Variants in CREB3L3 observed in about 807,000 individuals in gnomAD.
The protein encoded by CREB3L3 is cAMP responsive element binding protein 3 like 3.
In CREB3L3, 40 loss-of-function variants were observed where a neutral mutation model predicts 44.6. That is an observed-to-expected ratio of 0.90 (90% confidence interval 0.70 to 1.17). CREB3L3 has a LOEUF of 1.17. Ranked by LOEUF, CREB3L3 falls within the 50% of genes most tolerant of loss-of-function variation. The pLI is 0.00. For missense variants in CREB3L3, 578 were observed against 595.8 expected, an observed-to-expected ratio of 0.97 and a Z score of 0.31; for synonymous variants, 273 against 256.3, an observed-to-expected ratio of 1.06 and a Z score of -0.62.
chr19:4,160,638 C>T (rs1337298025), intron 4 of CREB3L3, among the ~76,000 whole-genome samples: 1 of 152,076 alleles, frequency 6.6e-6, no homozygotes, highest in Non-Finnish European at 1.5e-5. Flanking sequence ...TCACTGCCAC[C>T]TCTGCCTCCC....
chr19:4,170,313 A>G (rs1290113825), intron 7 of CREB3L3, 105 bp downstream of exon 7: 5 of 1,189,260 alleles, frequency 4.2e-6, no homozygotes, highest in Non-Finnish European at 6.3e-6. Context: ...ATAGGGAATA[A>G]GAGTTTTACC....
Position 4,168,367 on chromosome 19 carries a change from T to C in CREB3L3, c.731T>C (p.Leu244Pro). ...ACTTGGCAGTACGAGGAGCGAGTGC[T>C]GAAAAAAATCCGCCGGAAAATCCGG... is the stretch of plus-strand genomic sequence containing the variant. ...LPLTKYEERV[L>P]KKIRRKIRNK... The change falls in exon 6 of 10, where the codon CTG (leucine) becomes CCG (proline). Residue 244 changes from leucine (L) to proline (P), a missense_variant. Coordinates refer to ENST00000078445, the MANE Select transcript of CREB3L3 (RefSeq NM_032607.3). The C allele has an allele frequency of 6.2e-7, 1 of 1,610,204 alleles. No homozygotes were observed. The highest frequency in any genetic ancestry group is 8.5e-7 in the Non-Finnish European group (1 of 1,177,712).
intron 2 of CREB3L3, among the ~76,000 whole-genome samples, chr19:4,156,466 CCTG>C (rs2041578842): frequency 6.6e-6 from 1 of 151,762 alleles, no homozygotes; most frequent in African/African-American, 2.4e-5. Context: ...GGATTACAGG[CCTG>C]AGCCACCGTG....
intron 5 of CREB3L3, among the ~76,000 whole-genome samples, chr19:4,168,097 C>A (rs1036298329): frequency 2.0e-5 from 3 of 151,842 alleles, no homozygotes; most frequent in Non-Finnish European, 4.4e-5. Flanking sequence ...CTCCCGGGTT[C>A]ATGCCATTCT....
intron 1 of CREB3L3, among the ~76,000 whole-genome samples, chr19:4,154,536 A>AT (rs527814310): frequency 1.1e-3 from 160 of 151,860 alleles, no homozygotes; most frequent in African/African-American, 3.0e-3. Flanking sequence ...CAGCCAGCTA[A>AT]TTTTTTTAAA....
intron 2 of CREB3L3, among the ~76,000 whole-genome samples, chr19:4,155,866 A>G (rs1477157639): frequency 3.0e-5 from 4 of 135,324 alleles, no homozygotes; most frequent in East Asian, 2.3e-4. Context: ...TCCTACCTCA[A>G]CTTCCCGAGT....
At chr19:4,166,649 G>T (rs1966913154) in intron 5 of CREB3L3, among the ~76,000 whole-genome samples, 1 of 151,602 alleles carries the variant, frequency 6.6e-6, no homozygotes, top group Non-Finnish European at 1.5e-5. Flanking sequence ...TCTGACCTTG[G>T]CCTCCCAAAG....
intron 1 of CREB3L3, among the ~76,000 whole-genome samples, chr19:4,154,148 T>C (rs2041543516): frequency 6.6e-6 from 1 of 152,162 alleles, no homozygotes; most frequent in African/African-American, 2.4e-5. Context: ...CTCAGCTCAC[T>C]GCAACTTCCA....
intron 4 of CREB3L3, among the ~76,000 whole-genome samples, chr19:4,162,643 G>A (rs905101318): frequency 1.3e-5 from 2 of 151,698 alleles, no homozygotes; most frequent in Admixed American, 6.6e-5. Context: ...ATGATCACAC[G>A]ACTGCACTCC....
intron 1 of CREB3L3, 87 bp downstream of exon 1, chr19:4,153,861 C>A: frequency 7.2e-7 from 1 of 1,397,554 alleles, no homozygotes; most frequent in Non-Finnish European, 1.0e-6. Context: ...ACCCCATCTC[C>A]ACCCCTATTG....
chr19:4,170,011 G>A lies in CREB3L3; in HGVS notation c.822-129G>A, dbSNP rs2145142923. 5.7e-6 allele frequency: 5 copies of A among 879,376 alleles called. No homozygotes were observed. The East Asian group carries it at 1.2e-4, about 22-fold the overall frequency. The allele number at this position is 879,376 out of a possible 1,614,324, so 54.5% of individuals were successfully genotyped here. On this transcript the variant is annotated intron_variant, in intron 6 of 9. Transcript: ENST00000078445. ...CCTGTCTGACCTGCCGAGTAACCTT[G>A]GATGAATGACTTCCCCTCTCTGGCC...
rs150887508 is a variant in CREB3L3, at chr19:4,157,179, A to C, written c.341A>C (p.His114Pro). 1.3e-4 allele frequency: 203 copies of C among 1,613,834 alleles called. No homozygotes were observed. The African/African-American group carries it at 2.4e-3, about 19-fold the overall frequency. Reference sequence around the variant, plus strand: ...CCAGCCACCTCCCCCGCCGGCTGCCATCCTGCCCAGCCTGGCAAGGGGCCC... The same window carrying C: ...CCAGCCACCTCCCCCGCCGGCTGCCCTCCTGCCCAGCCTGGCAAGGGGCCC... Reference protein sequence around the residue: ...SGPATSPAGCHPAQPGKGPCL... With the variant: ...SGPATSPAGCPPAQPGKGPCL... The change falls in exon 3 of 10, where the codon CAT (histidine) becomes CCT (proline). Residue 114 changes from histidine to proline, a missense_variant. Physicochemically the swap from His to Pro is moderately conservative, Grantham distance 77. Transcript: ENST00000078445.
intron 6 of CREB3L3, among the ~76,000 whole-genome samples, chr19:4,168,757 G>A (rs1212206878): frequency 6.6e-6 from 1 of 151,886 alleles, no homozygotes; most frequent in Admixed American, 6.6e-5. Context: ...TGTGTGGAAG[G>A]GTCTCCTTCT....
Position 4,171,345 on chromosome 19 carries a change from G to T in CREB3L3, c.976-38G>T. 1 of 1,580,024 alleles carries T rather than the reference G, an allele frequency of 6.3e-7. No homozygotes were observed. Among genetic ancestry groups the T allele is most frequent in the Non-Finnish European group, 8.7e-7 (1 of 1,149,562 alleles). On this transcript the variant is annotated intron_variant, in intron 8 of 9. Transcript: ENST00000078445. The surrounding 1 kb of genome is among the most constrained non-coding windows in gnomAD (Gnocchi z 4.9). ...GTGGGATGGAGATGCTTGCAGGGGA[G>T]GGGAGGGAGGGGGTGACTCTGCCGC...
chr19:4,167,130 G>A (rs1243952981), intron 5 of CREB3L3, among the ~76,000 whole-genome samples: 2 of 152,048 alleles, frequency 1.3e-5, no homozygotes, highest in African/African-American at 4.8e-5. Context: ...ATCACCTGAG[G>A]TCAGGAGTTT....
In CREB3L3 at chr19:4,168,378, C is replaced by G. The variant is rs534584711; in HGVS notation, c.742C>G (p.Arg248Gly). Residue 248 changes from arginine (R) to glycine (G), a missense_variant, in exon 6 of 10, where the codon CGC (arginine) becomes GGC (glycine). Physicochemically the swap from Arg to Gly is moderately radical, Grantham distance 125 (BLOSUM62 -2). Transcript: ENST00000078445. Reference protein sequence around the residue: ...KYEERVLKKIRRKIRNKQSAQ... With the variant: ...KYEERVLKKIGRKIRNKQSAQ... ...CGAGGAGCGAGTGCTGAAAAAAATC[C>G]GCCGGAAAATCCGGAACAAGCAGTC... is the stretch of plus-strand genomic sequence containing the variant. 1 of 1,610,934 alleles carries G rather than the reference C, an allele frequency of 6.2e-7. No homozygotes were observed. The highest frequency in any genetic ancestry group is 8.5e-7 in the Non-Finnish European group (1 of 1,178,196).
Position 4,159,759 on chromosome 19 carries a change from CT to C in CREB3L3, c.556del (p.Ser186ArgfsTer59). ...CAATCTCACCGTGAAAGACCTCCTC[CT>C]TTCGGGCAGCAGTGGGGACCTGGTG... ...RCNLTVKDLLLSGSSGDLQQH... is the reference protein window; with the variant it reads ...RCNLTVKDLLXSGSSGDLQQH... On this transcript the variant is annotated frameshift_variant, in exon 4 of 10. Transcript: ENST00000078445. LOFTEE classifies it high-confidence loss of function. 6.4e-7 allele frequency: 1 copy of C among 1,555,600 alleles called. No homozygotes were observed. The highest frequency in any genetic ancestry group is 8.9e-7 in the Non-Finnish European group (1 of 1,126,788).
In CREB3L3 at chr19:4,153,752, A is replaced by T; in HGVS notation, c.5A>T (p.Asn2Ile). ...CAGACAGAACTGGATGGACCCATGAATACGGATTTAGCTGCTGGAAAGGTG... is the reference window on the plus strand; with the variant it reads ...CAGACAGAACTGGATGGACCCATGATTACGGATTTAGCTGCTGGAAAGGTG... Reference protein sequence around the residue: MNTDLAAGKMAS... With the variant: MITDLAAGKMAS... The change falls in exon 1 of 10, where the codon AAT becomes ATT. Residue 2 changes from asparagine (N) to isoleucine (I), a missense_variant. Coordinates refer to ENST00000078445, the MANE Select transcript of CREB3L3 (RefSeq NM_032607.3). 7 of 1,614,136 alleles carry T rather than the reference A, an allele frequency of 4.3e-6. No homozygotes were observed. Among genetic ancestry groups the T allele is most frequent in the Non-Finnish European group, 5.9e-6 (7 of 1,180,026 alleles).
rs1392045941 is a variant in CREB3L3 at position 4,161,255 on chromosome 19, C to A, written c.576+1473C>A. ...GGGATTACAGGCGTGAGCCACCGTG[C>A]CCCGTTTAGACCCAGCTGATTTTTC... On this transcript the variant is annotated intron_variant, in intron 4 of 9. Coordinates refer to ENST00000078445, the MANE Select transcript of CREB3L3 (RefSeq NM_032607.3). 4.7e-5 allele frequency among the ~76,000 whole-genome samples: 7 copies of A among 149,828 alleles called. No homozygotes were observed. The East Asian group carries it at 1.4e-3, about 29-fold the overall frequency.
Sources: gnomAD v4.1 joint callset for allele counts (sites outside exome capture counted in the v4.1 genomes callset) on GRCh38, gnomAD v4.1.1 for gene constraint, Gnocchi (gnomAD v3.1) non-coding constraint, MANE v1.5 for transcripts, NCBI Gene and HGNC (gene_info 2026-07-23, HGNC 2026-07-21) for gene names.